GTF2H3: variants seen among roughly 807,000 people sequenced by gnomAD.
GTF2H3 encodes TFIIH basal transcription factor complex p34 subunit.
GTF2H3 carries 42 observed loss-of-function variants against 51.1 expected under a neutral mutation model. That is an observed-to-expected ratio of 0.82 (90% CI 0.64 to 1.06). GTF2H3 has a LOEUF of 1.06. GTF2H3 is among the 50% of genes least tolerant of loss of function. The pLI, the probability that GTF2H3 is intolerant of heterozygous loss-of-function variation, is 0.00. For missense variants in GTF2H3, 326 were observed against 366.1 expected, an observed-to-expected ratio of 0.89 and a Z score of 0.89; for synonymous variants, 123 against 123.8, an observed-to-expected ratio of 0.99 and a Z score of 0.04.
chr12:123,660,534 C>G lies in GTF2H3; in HGVS notation c.*299C>G. On this transcript the variant is annotated 3_prime_UTR_variant, in exon 13 of 13. Transcript: ENST00000543341. ...TCAAAGTCAGCTTGTCATGACTCAT[C>G]ATAGGCTTTCTAACCTACTCCCTGA... 1 of 227,970 alleles carries G rather than the reference C, an allele frequency of 4.4e-6. No homozygotes were observed. Among genetic ancestry groups the G allele is most frequent in the Non-Finnish European group, 8.5e-6 (1 of 117,612 alleles). 14.1% of individuals were successfully genotyped at this position (227,970 alleles called of 1,614,324 possible). A position where few individuals can be genotyped will look rare whatever the true frequency, so the allele number is the denominator to read the frequency against.
chr12:123,639,083 C>T (rs111340776), intron 1 of GTF2H3, among the ~76,000 whole-genome samples, 181 bp from the exon 2 acceptor site: 4 of 152,332 alleles, frequency 2.6e-5, no homozygotes, highest in Non-Finnish European at 5.9e-5. Flanking sequence ...GCGTGAGCCA[C>T]CACGCCCTGC....
intron 1 of GTF2H3, among the ~76,000 whole-genome samples, chr12:123,636,570 G>A (rs1202961933): frequency 6.6e-6 from 1 of 152,234 alleles, no homozygotes; most frequent in Non-Finnish European, 1.5e-5. Context: ...GAGCCCAGGA[G>A]TTCGAGACCA....
At chr12:123,646,934 G>A (rs1474108185) in intron 3 of GTF2H3, among the ~76,000 whole-genome samples, 2 of 151,194 alleles carry the variant, frequency 1.3e-5, no homozygotes, top group African/African-American at 2.4e-5. Context: ...GGCGGATCAC[G>A]AGATCAGGAG....
intron 4 of GTF2H3, chr12:123,649,892 G>A (rs192848593): frequency 8.5e-5 from 13 of 152,208 alleles, no homozygotes; most frequent in African/African-American, 2.9e-4. Flanking sequence ...AGAATTTATG[G>A]TTTGTACATT....
At chr12:123,634,792 G>A (rs182990266) in intron 1 of GTF2H3, among the ~76,000 whole-genome samples, 40 of 152,290 alleles carry the variant, frequency 2.6e-4, no homozygotes, top group African/African-American at 9.1e-4. Flanking sequence ...AGGCTAGAGG[G>A]ATGAGATCAG....
chr12:123,659,926 G>A lies in GTF2H3; in HGVS notation c.816G>A (p.Leu272=). Residue 272 remains leucine, a synonymous_variant, in exon 11 of 13, where the codon TTG becomes TTA. Transcript: ENST00000543341. ...IEIGYVCSVC[L]SIFCNFSPIC... ...TTGGTTATGTCTGTTCTGTGTGTTT[G>A]TCAAGTAAGTTAATGTACCTAGTTT... The A allele has an allele frequency of 6.2e-7, 1 of 1,612,780 alleles. No homozygotes were observed.
chr12:123,644,734 A>G (rs1421401947), intron 2 of GTF2H3, among the ~76,000 whole-genome samples: 1 of 152,242 alleles, frequency 6.6e-6, no homozygotes, highest in Non-Finnish European at 1.5e-5. Flanking sequence ...TTGTTCACTA[A>G]GTATATACCA....
intron 2 of GTF2H3, among the ~76,000 whole-genome samples, chr12:123,642,760 GTTAC>G (rs1955395524): frequency 6.6e-6 from 1 of 152,088 alleles, no homozygotes; most frequent in South Asian, 2.1e-4. Context: ...TGTTATAATT[GTTAC>G]TTACACAGTT....
chr12:123,655,908 G>T, intron 9 of GTF2H3, 84 bp downstream of exon 9: 2 of 824,462 alleles, frequency 2.4e-6, no homozygotes, highest in South Asian at 1.6e-5. Context: ...TGAAAGCTTT[G>T]GGTATATTGG....
chr12:123,656,941 A>C (rs11572993), intron 9 of GTF2H3, among the ~76,000 whole-genome samples: 2,250 of 152,182 alleles, frequency 0.015, 47 homozygotes, highest in African/African-American at 0.052. Flanking sequence ...CAAAAAAATT[A>C]GCCTATCATG....
chr12:123,638,007 G>GT (rs1955309925), intron 1 of GTF2H3, among the ~76,000 whole-genome samples: 1 of 151,520 alleles, frequency 6.6e-6, no homozygotes, highest in Non-Finnish European at 1.5e-5. Flanking sequence ...TTGTTTGTTT[G>GT]TTTGTTTCCA....
intron 9 of GTF2H3, 59 bp downstream of exon 9, chr12:123,655,883 G>T: frequency 9.7e-7 from 1 of 1,028,388 alleles, no homozygotes; most frequent in South Asian, 1.4e-5. Context: ...TTTTTATATT[G>T]ATTACAATTT....
Position 123,661,238 on chromosome 12 carries a change from A to G in GTF2H3, c.*1003A>G, listed in dbSNP as rs1019913460. 2.0e-5 allele frequency: 3 copies of G among 152,236 alleles called. No individual in the cohort carries two copies. The highest frequency in any genetic ancestry group is 7.2e-5 in the African/African-American group (3 of 41,456). The allele number at this position is 152,236 out of a possible 1,614,324, so 9.4% of individuals were successfully genotyped here. ...GTATTTGTAATTTCAACAACAAAAAATGTATTTCTTTATGTAATCTTGAAA... is the reference window on the plus strand; with the variant it reads ...GTATTTGTAATTTCAACAACAAAAAGTGTATTTCTTTATGTAATCTTGAAA... On this transcript the variant is annotated 3_prime_UTR_variant, in exon 13 of 13. Coordinates refer to ENST00000543341, the MANE Select transcript of GTF2H3 (RefSeq NM_001516.5).
rs755830077 is a variant in GTF2H3, at chr12:123,654,950, G to T, written c.513G>T (p.Ala171=). 18 of 1,613,144 alleles carry T rather than the reference G, an allele frequency of 1.1e-5. No homozygotes were observed. The Admixed American group carries it at 2.3e-4, about 21-fold the overall frequency. ...ILVIKAAEDS[A]LQYMNFMNVI... ...TGATTAAGGCTGCAGAAGACAGTGC[G>T]TTGCAGTATATGAACTTCATGAATG... Residue 171 remains alanine, a synonymous_variant, in exon 8 of 13, where the codon GCG becomes GCT. Transcript: ENST00000543341.
chr12:123,659,133 G>C (rs528351167), intron 9 of GTF2H3, among the ~76,000 whole-genome samples: 1 of 152,316 alleles, frequency 6.6e-6, no homozygotes, highest in South Asian at 2.1e-4. Flanking sequence ...GCCACTTCAG[G>C]AAACAGTTCA....
rs556073524 is a variant in GTF2H3, at chr12:123,636,150, A to C, written c.13+2278A>C. On this transcript the variant is annotated intron_variant, in intron 1 of 12. Transcript: ENST00000543341. ...AGATACCATCCAGATGTCAACAACT[A>C]TTCAATGTAAAAAACAAGGGGTGGG... Among the ~76,000 whole-genome samples, 7 of 152,342 alleles carry C rather than the reference A, an allele frequency of 4.6e-5. 1 individual carries two copies. Among genetic ancestry groups the C allele is most frequent in the Admixed American group, 2.0e-4 (3 of 15,298 alleles).
intron 1 of GTF2H3, among the ~76,000 whole-genome samples, chr12:123,634,635 T>C (rs1246640550): frequency 6.6e-6 from 1 of 152,186 alleles, no homozygotes; most frequent in Non-Finnish European, 1.5e-5. Flanking sequence ...AAGTGCACTT[T>C]AAGTGCATGG....
chr12:123,633,952 T>C, intron 1 of GTF2H3, 80 bp downstream of exon 1: 1 of 1,444,814 alleles, frequency 6.9e-7, no homozygotes, highest in South Asian at 1.1e-5. Context: ...ATGGAATGTG[T>C]CTTTTGGGCT....
intron 9 of GTF2H3, among the ~76,000 whole-genome samples, chr12:123,658,221 T>C (rs1324568605): frequency 6.6e-6 from 1 of 152,028 alleles, no homozygotes; most frequent in Non-Finnish European, 1.5e-5. Flanking sequence ...AATGCCTGGC[T>C]AATTTTTTAA....
Sources: allele counts gnomAD v4.1 joint callset (sites outside exome capture counted in the v4.1 genomes callset), GRCh38; gene constraint gnomAD v4.1.1; transcripts MANE v1.5; gene names NCBI Gene and HGNC (gene_info 2026-07-23, HGNC 2026-07-21).